Variants in BCL9 observed in about 807,000 individuals in gnomAD.
BCL9 encodes B-cell CLL/lymphoma 9 protein.
Under a neutral mutation model 88.5 loss-of-function variants are expected in BCL9, and 25 were observed. That is an observed-to-expected ratio of 0.28 (90% CI 0.21 to 0.39). BCL9 has a LOEUF of 0.39. BCL9 is among the 10% of genes least tolerant of loss of function. The pLI, the probability that BCL9 is intolerant of heterozygous loss-of-function variation, is 1.00. For missense variants in BCL9, 1,817 were observed against 1,877.8 expected (o/e 0.97, Z 0.60); for synonymous variants, 711 against 673.3 (o/e 1.06, Z -0.87).
At chr1:147,557,787 A>G (rs1553195609) in intron 1 of BCL9, among the ~76,000 whole-genome samples, 3 of 152,220 alleles carry the variant, frequency 2.0e-5, no homozygotes, top group African/African-American at 7.2e-5. Context: ...TTAATTTTCC[A>G]CATTGGAAAT....
intron 1 of BCL9, among the ~76,000 whole-genome samples, chr1:147,590,050 G>A (rs1364515423): frequency 6.6e-6 from 1 of 152,134 alleles, no homozygotes; most frequent in Non-Finnish European, 1.5e-5. Flanking sequence ...TGTAGTGGTA[G>A]CTCACTGTAG....
At chr1:147,607,132 C>T (rs1295799580) in intron 3 of BCL9, among the ~76,000 whole-genome samples, 1 of 152,110 alleles carries the variant, frequency 6.6e-6, no homozygotes, top group East Asian at 1.9e-4. Flanking sequence ...ATACTATCTC[C>T]AAGTTCATGT....
At chr1:147,607,609 AG>A (rs1657785266) in intron 3 of BCL9, among the ~76,000 whole-genome samples, 1 of 152,258 alleles carries the variant, frequency 6.6e-6, no homozygotes, top group Non-Finnish European at 1.5e-5. Context: ...CCTCTGAAAA[AG>A]AAACACTTAA....
intron 1 of BCL9, among the ~76,000 whole-genome samples, chr1:147,593,662 G>A (rs1163159697): frequency 6.6e-6 from 1 of 152,130 alleles, no homozygotes; most frequent in Non-Finnish European, 1.5e-5. Context: ...TAGGCACTTA[G>A]TAAACTCTTT....
intron 1 of BCL9, chr1:147,600,462 T>G (rs1242556752): frequency 1.5e-3 from 37 of 24,656 alleles, no homozygotes; most frequent in Admixed American, 1.8e-3. Context: ...AAGAGCGGGG[T>G]GGAGGGGGGC....
chr1:147,589,387 A>T (rs1214594187), intron 1 of BCL9, among the ~76,000 whole-genome samples: 1 of 152,158 alleles, frequency 6.6e-6, no homozygotes, highest in Non-Finnish European at 1.5e-5. Flanking sequence ...TAAGTGTATG[A>T]TCTATTGATT....
At chr1:147,569,485 A>AAG (rs1306399118) in intron 1 of BCL9, among the ~76,000 whole-genome samples, 9 of 546 alleles carry the variant, frequency 0.016, no homozygotes, top group Non-Finnish European at 0.022. Flanking sequence ...AAAAAAAAAA[A>AAG]AAAGAAAGAA....
chr1:147,611,748 C>G lies in BCL9; in HGVS notation c.-89C>G, dbSNP rs1322830725. 1.5e-6 allele frequency: 2 copies of G among 1,333,268 alleles called. No homozygotes were observed. Among genetic ancestry groups the G allele is most frequent in the African/African-American group, 2.9e-5 (2 of 69,134 alleles). The allele number at this position is 1,333,268 out of a possible 1,614,324, so 82.6% of individuals were successfully genotyped here. On this transcript the variant is annotated 5_prime_UTR_variant, in exon 4 of 10. Coordinates refer to ENST00000234739, the MANE Select transcript of BCL9 (RefSeq NM_004326.4). ...CACCCAGCAAGCAGTGGGCCAGTGCCACTGCCCCCAGCAGCTGTTTCTGCT... is the reference window on the plus strand; with the variant it reads ...CACCCAGCAAGCAGTGGGCCAGTGCGACTGCCCCCAGCAGCTGTTTCTGCT...
chr1:147,566,572 C>T (rs1464821975), intron 1 of BCL9, among the ~76,000 whole-genome samples: 3 of 151,708 alleles, frequency 2.0e-5, no homozygotes, highest in African/African-American at 4.8e-5. Context: ...CTGGCTAACA[C>T]GGTGAAACCC....
At chr1:147,542,441 T>C (rs1654375365) in intron 1 of BCL9, among the ~76,000 whole-genome samples, 2 of 152,296 alleles carry the variant, frequency 1.3e-5, no homozygotes, top group South Asian at 4.1e-4. Context: ...CTCCCTGGGA[T>C]TGAGCGAAAC....
chr1:147,619,624 T>C lies in BCL9; in HGVS notation c.1469T>C (p.Val490Ala). ...YEEKRRKQEQ[V>A]VVQQCSLQDM... ...GAGAAGAGGAGGAAGCAGGAACAAG[T>C]GGTTGTCCAGCAGTGTTCCCTCCAG... is the stretch of plus-strand genomic sequence containing the variant. The change falls in exon 8 of 10, where the codon GTG (valine) becomes GCG (alanine). Residue 490 changes from valine (V) to alanine (A), a missense_variant. Transcript: ENST00000234739. The surrounding 1 kb of genome is among the most constrained non-coding windows in gnomAD (Gnocchi z 4.1). 1 of 1,613,708 alleles carries C rather than the reference T, an allele frequency of 6.2e-7. No individual in the cohort carries two copies. The highest frequency in any genetic ancestry group is 8.5e-7 in the Non-Finnish European group (1 of 1,179,948).
At chr1:147,549,360 C>T (rs1201474064) in intron 1 of BCL9, among the ~76,000 whole-genome samples, 1 of 152,094 alleles carries the variant, frequency 6.6e-6, no homozygotes, top group African/African-American at 2.4e-5. Context: ...TGATTTCCTA[C>T]AACTTTATTT....
chr1:147,585,424 G>A (rs969835473), intron 1 of BCL9, among the ~76,000 whole-genome samples: 2 of 152,080 alleles, frequency 1.3e-5, no homozygotes. Context: ...TGTGGGGATT[G>A]CCTGTAGTAT....
chr1:147,549,712 C>T (rs782468658), intron 1 of BCL9, among the ~76,000 whole-genome samples: 5 of 152,298 alleles, frequency 3.3e-5, no homozygotes, highest in South Asian at 4.1e-4. Context: ...TGACATTCAT[C>T]GTGAAGATGC....
chr1:147,556,685 G>C (rs1553195488), intron 1 of BCL9, among the ~76,000 whole-genome samples: 2 of 151,468 alleles, frequency 1.3e-5, no homozygotes, highest in Non-Finnish European at 2.9e-5. Context: ...TTAGGCTCAA[G>C]TGATCCTCCC....
intron 1 of BCL9, among the ~76,000 whole-genome samples, chr1:147,544,120 C>T (rs1271632395): frequency 6.6e-6 from 1 of 152,160 alleles, no homozygotes; most frequent in South Asian, 2.1e-4. Flanking sequence ...ATACCCCTGC[C>T]CTCAGGGAAC....
At chr1:147,589,714 G>A (rs1338802856) in intron 1 of BCL9, among the ~76,000 whole-genome samples, 1 of 152,150 alleles carries the variant, frequency 6.6e-6, no homozygotes, top group Non-Finnish European at 1.5e-5. Context: ...GATAGACCAC[G>A]TTTTATTTAA....
intron 1 of BCL9, among the ~76,000 whole-genome samples, chr1:147,577,874 A>C (rs1656182309): frequency 9.7e-6 from 1 of 102,942 alleles, no homozygotes. Context: ...GTGTGTGTAT[A>C]AATGTCTTCA....
At position 147,614,512 on chromosome 1, in the gene BCL9, G is replaced by A; in HGVS notation, c.456G>A (p.Arg152=). 3.1e-6 allele frequency: 5 copies of A among 1,613,822 alleles called. No homozygotes were observed. The highest frequency in any genetic ancestry group is 4.2e-6 in the Non-Finnish European group (5 of 1,179,928). Residue 152 remains arginine (R), a synonymous_variant, in exon 6 of 10, where the codon AGG becomes AGA. Coordinates refer to ENST00000234739, the MANE Select transcript of BCL9 (RefSeq NM_004326.4). ...CCCCATCAAATGCTACAGCCCCCAGGTCTTCTACCCCCTCCCATGGCCAAA... is the reference window on the plus strand; with the variant it reads ...CCCCATCAAATGCTACAGCCCCCAGATCTTCTACCCCCTCCCATGGCCAAA... ...SMTPSNATAP[R]SSTPSHGQTT...
Sources: gnomAD v4.1 joint callset for allele counts (sites outside exome capture counted in the v4.1 genomes callset) on GRCh38, gnomAD v4.1.1 for gene constraint, Gnocchi (gnomAD v3.1) non-coding constraint, MANE v1.5 for transcripts, NCBI Gene and HGNC (gene_info 2026-07-23, HGNC 2026-07-21) for gene names.